ATRNL1: variants seen among roughly 807,000 people sequenced by gnomAD.
The protein encoded by ATRNL1 is attractin like 1.
In ATRNL1, 95 loss-of-function variants were observed where a neutral mutation model predicts 182.7. The observed-to-expected ratio is 0.52, with a 90% CI of 0.44 to 0.62. The LOEUF is 0.62. Ranked by LOEUF, ATRNL1 falls within the 20% of genes least tolerant of loss-of-function variation. The pLI, the probability that ATRNL1 is intolerant of heterozygous loss-of-function variation, is 0.00. For missense variants in ATRNL1, 1,471 were observed against 1,679.5 expected (o/e 0.88, Z 2.17); for synonymous variants, 576 against 568.3 (o/e 1.01, Z -0.19).
intron 19 of ATRNL1, among the ~76,000 whole-genome samples, chr10:115,381,374 C>T (rs989229207): frequency 1.1e-4 from 16 of 150,172 alleles, no homozygotes; most frequent in Non-Finnish European, 2.2e-4. Flanking sequence ...TCAAGCAATT[C>T]TCCTGCCTCA....
At chr10:115,753,535 A>G (rs564851826) in intron 27 of ATRNL1, among the ~76,000 whole-genome samples, 3 of 152,256 alleles carry the variant, frequency 2.0e-5, no homozygotes, top group South Asian at 4.1e-4. Context: ...ATAGTATTCC[A>G]TGGTGTATAT....
intron 24 of ATRNL1, among the ~76,000 whole-genome samples, chr10:115,488,279 T>C (rs997943540): frequency 6.6e-6 from 1 of 152,220 alleles, no homozygotes; most frequent in Non-Finnish European, 1.5e-5. Context: ...TTGTTTGGAA[T>C]AGTTTCAGAA....
intron 24 of ATRNL1, among the ~76,000 whole-genome samples, chr10:115,504,903 T>C (rs1850028356): frequency 6.6e-6 from 1 of 152,108 alleles, no homozygotes; most frequent in Non-Finnish European, 1.5e-5. Flanking sequence ...AGTACATCTT[T>C]AGATTTATAG....
At chr10:115,605,360 G>A (rs1268997673) in intron 26 of ATRNL1, among the ~76,000 whole-genome samples, 1 of 151,778 alleles carries the variant, frequency 6.6e-6, no homozygotes, top group African/African-American at 2.4e-5. Context: ...TCTTGATGAT[G>A]GAATAAGCTT....
At chr10:115,592,566 A>G (rs1346310001) in intron 26 of ATRNL1, among the ~76,000 whole-genome samples, 2 of 152,162 alleles carry the variant, frequency 1.3e-5, no homozygotes, top group African/African-American at 2.4e-5. Context: ...AGCCACCTCT[A>G]CTTTTTGCCT....
intron 16 of ATRNL1, 58 bp downstream of exon 16, chr10:115,300,305 A>C: frequency 7.1e-7 from 1 of 1,403,188 alleles, no homozygotes; most frequent in Non-Finnish European, 1.0e-6. Flanking sequence ...CCATCTTCTC[A>C]TTCCTTCCTT....
At chr10:115,274,254 T>C (rs1006057110) in intron 13 of ATRNL1, among the ~76,000 whole-genome samples, 3 of 152,162 alleles carry the variant, frequency 2.0e-5, no homozygotes, top group Admixed American at 1.3e-4. Context: ...CCCTCTCTTA[T>C]TCTGAGATCT....
intron 21 of ATRNL1, among the ~76,000 whole-genome samples, chr10:115,431,001 A>G (rs1331284433): frequency 6.6e-6 from 1 of 152,166 alleles, no homozygotes; most frequent in Non-Finnish European, 1.5e-5. Flanking sequence ...ATAATTGTAG[A>G]TGGTTTGGTT....
chr10:115,318,740 C>A (rs1262670781), intron 18 of ATRNL1, among the ~76,000 whole-genome samples: 3 of 151,848 alleles, frequency 2.0e-5, no homozygotes, highest in Non-Finnish European at 4.4e-5. Flanking sequence ...TGGTCATATC[C>A]CCTTTATCAT....
At chr10:115,130,392 T>C (rs1279515271) in intron 5 of ATRNL1, among the ~76,000 whole-genome samples, 1 of 152,118 alleles carries the variant, frequency 6.6e-6, no homozygotes, top group Non-Finnish European at 1.5e-5. Flanking sequence ...AACATACTCT[T>C]CATGAAGTTG....
intron 27 of ATRNL1, among the ~76,000 whole-genome samples, chr10:115,835,465 G>A (rs754110066): frequency 1.2e-4 from 18 of 152,102 alleles, no homozygotes; most frequent in Non-Finnish European, 2.1e-4. Flanking sequence ...TGCCAGCCAA[G>A]GTAGGAAAAT....
At chr10:115,128,396 C>A (rs558757067) in intron 4 of ATRNL1, 3 of 598,410 alleles carry the variant, frequency 5.0e-6, no homozygotes, top group East Asian at 1.4e-4. Context: ...TTATTTTTTT[C>A]TTTTCTTCAG....
chr10:115,862,079 C>T (rs1951330400), intron 28 of ATRNL1, among the ~76,000 whole-genome samples: 1 of 152,180 alleles, frequency 6.6e-6, no homozygotes, highest in African/African-American at 2.4e-5. Context: ...CTTGGACCAT[C>T]CATTTATAGT....
At chr10:115,283,149 C>CA (rs1554917551) in intron 14 of ATRNL1, among the ~76,000 whole-genome samples, 1 of 152,112 alleles carries the variant, frequency 6.6e-6, no homozygotes, top group Non-Finnish European at 1.5e-5. Flanking sequence ...TACGGTGTCT[C>CA]ACACCTGTAA....
chr10:115,482,872 A>G (rs868983745), intron 24 of ATRNL1, among the ~76,000 whole-genome samples: 42 of 151,366 alleles, frequency 2.8e-4, no homozygotes, highest in Middle Eastern at 6.8e-3. Flanking sequence ...TTGTTTTAGC[A>G]TATACCTAGA....
At chr10:115,748,127 T>C (rs1051741928) in intron 27 of ATRNL1, among the ~76,000 whole-genome samples, 2 of 152,048 alleles carry the variant, frequency 1.3e-5, no homozygotes, top group East Asian at 3.9e-4. Flanking sequence ...TTGTATCTAC[T>C]GGCCTTGCTA....
In ATRNL1 at chr10:115,246,820, A is replaced by G. The variant is rs1232389482; in HGVS notation, c.1687+5095A>G. Among the ~76,000 whole-genome samples the G allele has an allele frequency of 3.0e-4, 45 of 149,252 alleles. 12 individuals carry two copies. Among genetic ancestry groups the G allele is most frequent in the Non-Finnish European group, 5.2e-4 (35 of 67,284 alleles). On this transcript the variant is annotated intron_variant, in intron 10 of 28. Coordinates refer to ENST00000355044, the MANE Select transcript of ATRNL1 (RefSeq NM_207303.4). ...CATGATCCACCCGCCTCGGCCTCCC[A>G]AAGTGCTGGGATTACAGGCGTGAGC...
intron 5 of ATRNL1, among the ~76,000 whole-genome samples, chr10:115,135,197 A>T (rs1554876323): frequency 2.0e-5 from 3 of 152,168 alleles, no homozygotes; most frequent in African/African-American, 7.2e-5. Context: ...GCAATCAGGC[A>T]GGAGAAAGAA....
At chr10:115,546,012 G>C (rs1165968273) in intron 25 of ATRNL1, among the ~76,000 whole-genome samples, 1 of 152,162 alleles carries the variant, frequency 6.6e-6, no homozygotes, top group Non-Finnish European at 1.5e-5. Flanking sequence ...CAGTATGCTT[G>C]ATCTATCACC....
Sources: gnomAD v4.1 joint callset for allele counts (sites outside exome capture counted in the v4.1 genomes callset) on GRCh38, gnomAD v4.1.1 for gene constraint, MANE v1.5 for transcripts, NCBI Gene and HGNC (gene_info 2026-07-23, HGNC 2026-07-21) for gene names.